Variants in STAU2 observed in about 807,000 individuals in gnomAD.
The protein encoded by STAU2 is staufen double-stranded RNA binding protein 2, also known as double-stranded RNA-binding protein Staufen homolog 2.
A neutral mutation model predicts 65.9 loss-of-function variants in STAU2; 20 were observed. That is an observed-to-expected ratio of 0.30 (90% CI 0.21 to 0.44). The LOEUF (loss-of-function observed/expected upper bound fraction) is 0.44. Ranked by LOEUF, STAU2 falls within the 20% of genes least tolerant of loss-of-function variation. The probability of loss-of-function intolerance (pLI) is 1.00; values close to 1 mark genes in which losing one functional copy is unlikely to be tolerated. For synonymous variants in STAU2, 232 were observed against 233.9 expected (o/e 0.99, Z 0.07); for missense variants, 558 against 683.9 (o/e 0.82, Z 2.05).
intron 13 of STAU2, chr8:73,550,377 C>T: frequency 1.0e-6 from 1 of 984,268 alleles, no homozygotes; most frequent in Non-Finnish European, 1.2e-6. Flanking sequence ...GAAATAAAAA[C>T]AAATTTAAAA....
At chr8:73,663,264 A>C (rs1816975460) in intron 6 of STAU2, among the ~76,000 whole-genome samples, 1 of 152,190 alleles carries the variant, frequency 6.6e-6, no homozygotes, top group South Asian at 2.1e-4. Context: ...CTAGAATTTC[A>C]ATTTCATCTA....
intron 13 of STAU2, among the ~76,000 whole-genome samples, chr8:73,518,711 A>G (rs1822877023): frequency 6.6e-6 from 1 of 152,154 alleles, no homozygotes; most frequent in Admixed American, 6.5e-5. Context: ...TCCACAGTCT[A>G]TTTTTAGTCT....
intron 13 of STAU2, among the ~76,000 whole-genome samples, chr8:73,506,066 G>A (rs952578021): frequency 1.3e-5 from 2 of 152,110 alleles, no homozygotes. Context: ...CACCCTTGCT[G>A]TATAGCCTGC....
rs6150656 is a variant in STAU2, at chr8:73,479,472, G to GCACACACACAAACACACACACACA, written c.1531-56771_1531-56770insTGTGTGTGTGTGTTTGTGTGTGTG. Among the ~76,000 whole-genome samples, 110 of 139,952 alleles carry GCACACACACAAACACACACACACA rather than the reference G, an allele frequency of 7.9e-4. 1 individual carries two copies. The highest frequency in any genetic ancestry group is 2.8e-3 in the African/African-American group (103 of 37,064). The allele number at this position is 139,952 out of a possible 152,430, so 91.8% of individuals were successfully genotyped here. A position where few individuals can be genotyped will look rare whatever the true frequency, so the allele number is the denominator to read the frequency against. ...TCTCTTCCTGCTTTCTCCCTATTCT[G>GCACACACACAAACACACACACACA]CACACACACACACACACACACACAC... is the stretch of plus-strand genomic sequence containing the variant. On this transcript the variant is annotated intron_variant, in intron 13 of 14. Transcript: ENST00000524300.
intron 11 of STAU2, 108 bp downstream of exon 11, chr8:73,595,058 C>T: frequency 1.0e-6 from 1 of 961,988 alleles, no homozygotes; most frequent in Non-Finnish European, 1.5e-6. Flanking sequence ...TGTATTGCCT[C>T]AGAAAAGTTA....
chr8:73,714,559 A>G (rs1194325617), intron 3 of STAU2, among the ~76,000 whole-genome samples: 13 of 152,198 alleles, frequency 8.5e-5, no homozygotes. Context: ...AAAATGCAAA[A>G]TACAAAAATT....
At chr8:73,461,471 C>G (rs1453778527) in intron 13 of STAU2, among the ~76,000 whole-genome samples, 1 of 152,026 alleles carries the variant, frequency 6.6e-6, no homozygotes, top group Non-Finnish European at 1.5e-5. Flanking sequence ...CAGTGGAAGC[C>G]ATCCTCTGTG....
intron 9 of STAU2, among the ~76,000 whole-genome samples, chr8:73,605,888 C>T (rs543761725): frequency 6.2e-3 from 788 of 126,628 alleles, no homozygotes; most frequent in African/African-American, 8.5e-3. Context: ...TACACACACA[C>T]ACACACACAC....
chr8:73,595,431 T>C (rs944612993), intron 10 of STAU2, 134 bp from the exon 11 acceptor site: 7 of 722,842 alleles, frequency 9.7e-6, no homozygotes, highest in Non-Finnish European at 1.5e-5. Flanking sequence ...AAATGGCAAC[T>C]AAGATAACAT....
chr8:73,663,139 T>C (rs6992006), intron 6 of STAU2, among the ~76,000 whole-genome samples: 132,481 of 152,112 alleles, frequency 0.87, 58,051 homozygotes, highest in East Asian at 0.97. Flanking sequence ...TATGATCTAT[T>C]ACATCTATTC....
intron 13 of STAU2, among the ~76,000 whole-genome samples, chr8:73,540,774 G>C (rs988757015): frequency 2.0e-5 from 3 of 151,828 alleles, no homozygotes; most frequent in Non-Finnish European, 4.4e-5. Flanking sequence ...CCAGGGCAGA[G>C]ATTTCCCTGG....
At chr8:73,723,555 CTTT>C (rs1040558043) in intron 3 of STAU2, among the ~76,000 whole-genome samples, 1 of 152,106 alleles carries the variant, frequency 6.6e-6, no homozygotes, top group African/African-American at 2.4e-5. Flanking sequence ...AGCTCACTGA[CTTT>C]TTTTTCTTCT....
chr8:73,729,556 A>G (rs1166210981), intron 3 of STAU2, among the ~76,000 whole-genome samples: 1 of 152,082 alleles, frequency 6.6e-6, no homozygotes, highest in Non-Finnish European at 1.5e-5. Context: ...CAGAGAAGCA[A>G]TATGGTACTG....
At chr8:73,574,374 A>G (rs1055970856) in intron 12 of STAU2, among the ~76,000 whole-genome samples, 1 of 152,208 alleles carries the variant, frequency 6.6e-6, no homozygotes, top group African/African-American at 2.4e-5. Flanking sequence ...TAGAACTAGA[A>G]ATACCATTTG....
intron 13 of STAU2, among the ~76,000 whole-genome samples, chr8:73,518,700 G>A (rs901722137): frequency 9.2e-5 from 14 of 152,018 alleles, no homozygotes; most frequent in Non-Finnish European, 2.1e-4. Flanking sequence ...TCTTGTTTTC[G>A]TCCACAGTCT....
chr8:73,486,655 A>T (rs914118100), intron 13 of STAU2, among the ~76,000 whole-genome samples: 53 of 78,226 alleles, frequency 6.8e-4, no homozygotes, highest in Non-Finnish European at 9.3e-4. Context: ...ATATATATAT[A>T]TATTTTTTTT....
chr8:73,521,088 G>A (rs1016808523), intron 13 of STAU2, among the ~76,000 whole-genome samples: 2 of 152,062 alleles, frequency 1.3e-5, no homozygotes, highest in African/African-American at 4.8e-5. Context: ...AATGTATATT[G>A]GGGTAATATG....
At chr8:73,431,389 AG>A (rs1381996788) in intron 13 of STAU2, among the ~76,000 whole-genome samples, 1 of 152,260 alleles carries the variant, frequency 6.6e-6, no homozygotes, top group East Asian at 1.9e-4. Flanking sequence ...GTACATCTAA[AG>A]CAATAAATGT....
intron 6 of STAU2, among the ~76,000 whole-genome samples, chr8:73,669,633 G>C (rs1470950446): frequency 8.9e-6 from 1 of 112,862 alleles, no homozygotes; most frequent in Admixed American, 9.5e-5. Flanking sequence ...TCTTGAGCCT[G>C]GAATTCTCTC....
Sources: allele counts gnomAD v4.1 joint callset (sites outside exome capture counted in the v4.1 genomes callset), GRCh38; gene constraint gnomAD v4.1.1; transcripts MANE v1.5; gene names NCBI Gene and HGNC (gene_info 2026-07-23, HGNC 2026-07-21).